Variants in DLG2 observed in about 807,000 individuals in gnomAD.
The protein encoded by DLG2 is discs large MAGUK scaffold protein 2.
In DLG2, 45 loss-of-function variants were observed where a neutral mutation model predicts 132.5. The observed-to-expected ratio is 0.34, with a 90% CI of 0.27 to 0.44. The LOEUF is 0.44. DLG2 is among the 20% of genes least tolerant of loss of function. The pLI is 1.00. For synonymous variants in DLG2, 424 were observed against 419.6 expected, an observed-to-expected ratio of 1.01 and a Z score of -0.13; for missense variants, 1,045 against 1,196.9, an observed-to-expected ratio of 0.87 and a Z score of 1.87.
chr11:85,339,601 T>G (rs1463357633), intron 3 of DLG2, among the ~76,000 whole-genome samples: 1 of 152,248 alleles, frequency 6.6e-6, no homozygotes, highest in Non-Finnish European at 1.5e-5. Context: ...AAAGTGAATT[T>G]GAGCATTTGT....
intron 11 of DLG2, among the ~76,000 whole-genome samples, chr11:84,053,592 G>A (rs1594179760): frequency 6.6e-6 from 1 of 151,698 alleles, no homozygotes; most frequent in Non-Finnish European, 1.5e-5. Flanking sequence ...AAGATTATAA[G>A]AATTTATTAA....
chr11:84,757,983 G>A (rs902009656), intron 6 of DLG2, among the ~76,000 whole-genome samples: 3 of 152,112 alleles, frequency 2.0e-5, no homozygotes, highest in Admixed American at 1.3e-4. Context: ...TAGAGCCTCA[G>A]GATTTAAAAG....
chr11:84,935,787 A>G (rs2048674877), intron 6 of DLG2, among the ~76,000 whole-genome samples: 1 of 152,200 alleles, frequency 6.6e-6, no homozygotes, highest in South Asian at 2.1e-4. Flanking sequence ...TAATCTAGAA[A>G]GCTTTCCCTT....
At chr11:83,584,690 C>A (rs186607479) in intron 19 of DLG2, among the ~76,000 whole-genome samples, 1 of 152,138 alleles carries the variant, frequency 6.6e-6, no homozygotes, top group African/African-American at 2.4e-5. Context: ...TTGAGCAATA[C>A]GCTGAGCCAT....
At chr11:83,873,705 G>C (rs1449565972) in intron 16 of DLG2, among the ~76,000 whole-genome samples, 4 of 152,174 alleles carry the variant, frequency 2.6e-5, no homozygotes, top group Admixed American at 2.6e-4. Context: ...TAAGCACTCA[G>C]TAAATGTTAG....
intron 3 of DLG2, among the ~76,000 whole-genome samples, chr11:85,393,089 C>T (rs1365374065): frequency 1.3e-5 from 2 of 152,020 alleles, no homozygotes; most frequent in Non-Finnish European, 2.9e-5. Context: ...CAACAAACAA[C>T]TAATATCCAC....
At chr11:84,001,146 C>G (rs1156381337) in intron 11 of DLG2, among the ~76,000 whole-genome samples, 1 of 151,858 alleles carries the variant, frequency 6.6e-6, no homozygotes, top group Non-Finnish European at 1.5e-5. Flanking sequence ...AAGATATAGA[C>G]TGGCTGAAAG....
intron 6 of DLG2, chr11:84,923,372 A>C (rs2092850221): frequency 8.8e-7 from 1 of 1,142,072 alleles, no homozygotes; most frequent in Non-Finnish European, 1.1e-6. Context: ...CAGCGTCTGA[A>C]AGTTAAGACC....
At chr11:85,070,782 C>G (rs1446854714) in intron 6 of DLG2, among the ~76,000 whole-genome samples, 2 of 151,828 alleles carry the variant, frequency 1.3e-5, no homozygotes, top group African/African-American at 2.4e-5. Context: ...GTTCTGACTA[C>G]TCTAGCCCAA....
chr11:84,139,731 C>T (rs1040760435), intron 9 of DLG2, among the ~76,000 whole-genome samples: 1 of 152,006 alleles, frequency 6.6e-6, no homozygotes, highest in African/African-American at 2.4e-5. Flanking sequence ...TAAATGACTA[C>T]AAAGGCCACA....
chr11:84,298,260 G>T (rs2098115340), intron 7 of DLG2, among the ~76,000 whole-genome samples: 1 of 152,152 alleles, frequency 6.6e-6, no homozygotes, highest in Admixed American at 6.5e-5. Context: ...CCATTCATGT[G>T]AAAATTATAT....
intron 3 of DLG2, among the ~76,000 whole-genome samples, chr11:85,495,751 T>C (rs1420774048): frequency 1.3e-5 from 2 of 152,188 alleles, no homozygotes; most frequent in Non-Finnish European, 2.9e-5. Context: ...GAACCAGAAA[T>C]ACCATTTGAC....
intron 4 of DLG2, among the ~76,000 whole-genome samples, chr11:85,246,980 G>T (rs1595681885): frequency 6.6e-6 from 1 of 152,078 alleles, no homozygotes; most frequent in Admixed American, 6.6e-5. Context: ...ATACAAGCTG[G>T]AATGGCATTT....
chr11:83,642,353 C>T (rs1185860165), intron 18 of DLG2, among the ~76,000 whole-genome samples: 1 of 152,172 alleles, frequency 6.6e-6, no homozygotes, highest in African/African-American at 2.4e-5. Context: ...TAAGGTATGT[C>T]TTTCTCCATT....
At chr11:84,670,012 T>A (rs2099704018) in intron 6 of DLG2, among the ~76,000 whole-genome samples, 1 of 152,138 alleles carries the variant, frequency 6.6e-6, no homozygotes, top group Non-Finnish European at 1.5e-5. Flanking sequence ...CAGAAGAAGT[T>A]CTTTGGACTG....
At chr11:84,503,282 G>A (rs994547856) in intron 7 of DLG2, among the ~76,000 whole-genome samples, 2 of 152,086 alleles carry the variant, frequency 1.3e-5, no homozygotes, top group African/African-American at 4.8e-5. Flanking sequence ...GGTTGTCTGG[G>A]GGTCAAATTA....
chr11:84,836,854 A>G (rs1264460699), intron 6 of DLG2, among the ~76,000 whole-genome samples: 1 of 145,094 alleles, frequency 6.9e-6, no homozygotes, highest in Non-Finnish European at 1.6e-5. Context: ...CAGTGTCCAT[A>G]AAGCATATAC....
At chr11:85,186,330 T>C (rs1384572747) in intron 4 of DLG2, among the ~76,000 whole-genome samples, 1 of 152,098 alleles carries the variant, frequency 6.6e-6, no homozygotes, top group Non-Finnish European at 1.5e-5. Flanking sequence ...TGAAGTATTT[T>C]ACATTTCTTT....
chr11:84,627,864 C>G (rs1263718016), intron 6 of DLG2, among the ~76,000 whole-genome samples: 1 of 152,040 alleles, frequency 6.6e-6, no homozygotes, highest in Middle Eastern at 3.2e-3. Flanking sequence ...ACAACCAGAT[C>G]TCATGAGAAC....
Sources: allele counts gnomAD v4.1 joint callset (sites outside exome capture counted in the v4.1 genomes callset), GRCh38; gene constraint gnomAD v4.1.1; transcripts MANE v1.5; gene names NCBI Gene and HGNC (gene_info 2026-07-23, HGNC 2026-07-21).